ZNF804A: variants seen among roughly 807,000 people sequenced by gnomAD.
ZNF804A encodes the protein zinc finger protein 804A.
Under a neutral mutation model 16.5 loss-of-function variants are expected in ZNF804A, and 2 were observed. The ratio of observed to expected loss-of-function variants is 0.12; its 90% CI spans 0.05 to 0.38. The LOEUF is 0.38. Ranked by LOEUF, ZNF804A falls within the 10% of genes least tolerant of loss-of-function variation. The pLI, the probability that ZNF804A is intolerant of heterozygous loss-of-function variation, is 0.99. For synonymous variants in ZNF804A, 534 were observed against 489.6 expected, an observed-to-expected ratio of 1.09 and a Z score of -1.20; for missense variants, 1,473 against 1,390.7, an observed-to-expected ratio of 1.06 and a Z score of -0.94.
intron 2 of ZNF804A, among the ~76,000 whole-genome samples, chr2:184,884,027 G>A (rs1684850857): frequency 4.6e-5 from 7 of 152,070 alleles, no homozygotes; most frequent in Admixed American, 4.6e-4. Flanking sequence ...ATCCTTGTAT[G>A]CAGCCAATAT....
intron 1 of ZNF804A, among the ~76,000 whole-genome samples, chr2:184,860,851 A>G (rs1009986588): frequency 2.6e-5 from 4 of 152,216 alleles, no homozygotes; most frequent in Admixed American, 6.5e-5. Context: ...GCCTGGGGCA[A>G]TGGCCAAGCT....
At chr2:184,629,995 T>G (rs564814021) in intron 1 of ZNF804A, among the ~76,000 whole-genome samples, 22 of 152,110 alleles carry the variant, frequency 1.4e-4, no homozygotes, top group Non-Finnish European at 2.5e-4. Flanking sequence ...AAATAGGTTT[T>G]CAAGCCATCT....
intron 2 of ZNF804A, among the ~76,000 whole-genome samples, chr2:184,895,344 C>G (rs900912518): frequency 1.3e-5 from 2 of 152,054 alleles, no homozygotes; most frequent in African/African-American, 4.8e-5. Flanking sequence ...TAAACAATAA[C>G]TCAATAACTT....
At chr2:184,811,146 A>G (rs1246234471) in intron 1 of ZNF804A, among the ~76,000 whole-genome samples, 1 of 152,110 alleles carries the variant, frequency 6.6e-6, no homozygotes, top group Non-Finnish European at 1.5e-5. Context: ...ATGGCACGCT[A>G]TGGAGGTGGC....
chr2:184,701,758 G>A (rs1181342150), intron 1 of ZNF804A, among the ~76,000 whole-genome samples: 1 of 151,902 alleles, frequency 6.6e-6, no homozygotes, highest in African/African-American at 2.4e-5. Context: ...CTGGGAAAAT[G>A]CTATTACTGT....
intron 1 of ZNF804A, among the ~76,000 whole-genome samples, chr2:184,648,796 C>G (rs1205514592): frequency 1.3e-5 from 2 of 152,128 alleles, no homozygotes; most frequent in Non-Finnish European, 2.9e-5. Flanking sequence ...ACAAGTACTT[C>G]TAGACCTAAG....
At chr2:184,798,737 T>C (rs1694675957) in intron 1 of ZNF804A, among the ~76,000 whole-genome samples, 1 of 152,172 alleles carries the variant, frequency 6.6e-6, no homozygotes, top group South Asian at 2.1e-4. Context: ...CTCAGATAAA[T>C]CAGGGATTTC....
At chr2:184,759,499 A>AAG (rs941083140) in intron 1 of ZNF804A, among the ~76,000 whole-genome samples, 74 of 151,950 alleles carry the variant, frequency 4.9e-4, no homozygotes, top group Non-Finnish European at 9.9e-4. Context: ...AAATTTTTAT[A>AAG]ATATATATTT....
chr2:184,726,890 A>G (rs1693421093), intron 1 of ZNF804A, among the ~76,000 whole-genome samples: 1 of 151,642 alleles, frequency 6.6e-6, no homozygotes, highest in African/African-American at 2.4e-5. Flanking sequence ...TGTGCAAAAC[A>G]TTAAAAGAAC....
chr2:184,891,599 G>T lies in ZNF804A; in HGVS notation c.255+25087G>T, dbSNP rs576775727. ...AACCACTGTTATTCTTTTTTTCTCA[G>T]CCTCCACTCTACTTGACAAAGGGTC... On this transcript the variant is annotated intron_variant, in intron 2 of 3. Coordinates refer to ENST00000302277, the MANE Select transcript of ZNF804A (RefSeq NM_194250.2). 1.2e-4 allele frequency among the ~76,000 whole-genome samples: 19 copies of T among 152,008 alleles called. No homozygotes were observed. In the South Asian group the frequency reaches 2.7e-3, roughly 22 times the overall value.
At chr2:184,846,197 T>C (rs1334212987) in intron 1 of ZNF804A, among the ~76,000 whole-genome samples, 2 of 152,138 alleles carry the variant, frequency 1.3e-5, no homozygotes, top group Non-Finnish European at 2.9e-5. Context: ...AAAGCACTCA[T>C]GTGTTTAAAA....
At chr2:184,775,553 A>T (rs1430479757) in intron 1 of ZNF804A, among the ~76,000 whole-genome samples, 1 of 151,696 alleles carries the variant, frequency 6.6e-6, no homozygotes, top group East Asian at 1.9e-4. Flanking sequence ...TATCATCATG[A>T]ACTCCTGAGC....
chr2:184,735,185 A>G (rs902674738), intron 1 of ZNF804A, among the ~76,000 whole-genome samples: 1 of 152,014 alleles, frequency 6.6e-6, no homozygotes, highest in Middle Eastern at 3.2e-3. Flanking sequence ...TTGGATTTCT[A>G]TCTACCACTT....
chr2:184,736,485 A>G (rs1693615388), intron 1 of ZNF804A, among the ~76,000 whole-genome samples: 1 of 152,120 alleles, frequency 6.6e-6, no homozygotes, highest in African/African-American at 2.4e-5. Flanking sequence ...TCATCCTCAG[A>G]AAGCTAACAC....
At chr2:184,612,886 G>C (rs1691261072) in intron 1 of ZNF804A, among the ~76,000 whole-genome samples, 1 of 152,016 alleles carries the variant, frequency 6.6e-6, no homozygotes, top group Non-Finnish European at 1.5e-5. Flanking sequence ...CACAGTAAAG[G>C]GTTAATTAAG....
chr2:184,664,878 C>G (rs1414337649), intron 1 of ZNF804A, among the ~76,000 whole-genome samples: 1 of 152,050 alleles, frequency 6.6e-6, no homozygotes, highest in Non-Finnish European at 1.5e-5. Flanking sequence ...TATTAATTAA[C>G]TAATGCAATA....
intron 1 of ZNF804A, among the ~76,000 whole-genome samples, chr2:184,767,287 G>A (rs753466585): frequency 1.3e-5 from 2 of 152,144 alleles, no homozygotes; most frequent in Non-Finnish European, 2.9e-5. Context: ...AGGAAATTCT[G>A]AAACATTCTA....
At chr2:184,770,584 G>C (rs1427499393) in intron 1 of ZNF804A, among the ~76,000 whole-genome samples, 2 of 132,352 alleles carry the variant, frequency 1.5e-5, no homozygotes, top group Non-Finnish European at 2.9e-5. Context: ...TGGGTATATA[G>C]GTGTATAAAA....
chr2:184,674,388 C>T (rs1287361264), intron 1 of ZNF804A, among the ~76,000 whole-genome samples: 2 of 151,778 alleles, frequency 1.3e-5, no homozygotes, highest in Non-Finnish European at 1.5e-5. Context: ...ATTACTATGA[C>T]ATATGAAGGC....
Sources: gnomAD v4.1 joint callset for allele counts (sites outside exome capture counted in the v4.1 genomes callset) on GRCh38, gnomAD v4.1.1 for gene constraint, MANE v1.5 for transcripts, NCBI Gene and HGNC (gene_info 2026-07-23, HGNC 2026-07-21) for gene names.